Variants in PITPNC1 observed in about 807,000 individuals in gnomAD.
PITPNC1 encodes cytoplasmic phosphatidylinositol transfer protein 1.
A neutral mutation model predicts 44.7 loss-of-function variants in PITPNC1; 18 were observed. That is an observed-to-expected ratio of 0.40 (90% CI 0.28 to 0.60). The LOEUF is 0.60. Ranked by LOEUF, PITPNC1 falls within the 20% of genes least tolerant of loss-of-function variation. PITPNC1 has a pLI of 0.39. For missense variants in PITPNC1, 290 were observed against 418.4 expected (o/e 0.69, Z 2.68); for synonymous variants, 141 against 149.6 (o/e 0.94, Z 0.42).
chr17:67,390,006 C>T (rs2143797597), intron 1 of PITPNC1, among the ~76,000 whole-genome samples: 2 of 151,634 alleles, frequency 1.3e-5, no homozygotes, highest in South Asian at 4.2e-4. Flanking sequence ...AATAGAAGTG[C>T]TTACAGATTT....
chr17:67,490,128 G>C (rs923399317), intron 1 of PITPNC1, among the ~76,000 whole-genome samples: 5 of 102,612 alleles, frequency 4.9e-5, no homozygotes, highest in South Asian at 2.6e-4. Flanking sequence ...GTGTGTGTGT[G>C]TGTGTGTGTG....
At position 67,397,490 on chromosome 17, in the gene PITPNC1, AAAGTT is replaced by A. The variant is rs565273396; in HGVS notation, c.48+19292_48+19296del. ...GTCTTCCACACCTCTCTTTTTGAGA[AAAGTT>A]AAGAACAAAGTAAAAAGATGCAGTG... On this transcript the variant is annotated intron_variant, in intron 1 of 8. Transcript: ENST00000581322. Among the ~76,000 whole-genome samples, 628 of 152,322 alleles carry A rather than the reference AAAGTT, an allele frequency of 4.1e-3. 1 individual carries two copies. Among genetic ancestry groups the A allele is most frequent in the South Asian group, 0.013 (61 of 4,832 alleles).
chr17:67,377,453 G>A lies in PITPNC1; in HGVS notation c.-702G>A, dbSNP rs1165089166. On this transcript the variant is annotated 5_prime_UTR_variant, in exon 1 of 9. Coordinates refer to ENST00000581322, the MANE Select transcript of PITPNC1 (RefSeq NM_012417.4). ...TCCCGCCCGCCCCTGGCAGCCGCGA[G>A]CCGAGGTTGGAGGCGCCCGGGGCCC... The A allele has an allele frequency of 2.0e-5, 3 of 152,984 alleles. No homozygotes were observed. Among genetic ancestry groups the A allele is most frequent in the Non-Finnish European group, 2.9e-5 (2 of 68,076 alleles). The allele number at this position is 152,984 out of a possible 1,614,324, so 9.5% of individuals were successfully genotyped here.
Position 67,696,541 on chromosome 17 carries a change from G to T in PITPNC1, c.*3653G>T, listed in dbSNP as rs2043013604. On this transcript the variant is annotated 3_prime_UTR_variant, in exon 9 of 9. Coordinates refer to ENST00000581322, the MANE Select transcript of PITPNC1 (RefSeq NM_012417.4). ...TCTGATCATCTGACTCAGTAGGCTA[G>T]GAGACAATCTGTCATCTGAGCCATA... The T allele has an allele frequency of 6.6e-6, 1 of 152,176 alleles. No individual in the cohort carries two copies. The highest frequency in any genetic ancestry group is 1.5e-5 in the Non-Finnish European group (1 of 68,032). The allele number at this position is 152,176 out of a possible 1,614,324, so 9.4% of individuals were successfully genotyped here.
rs568884338 is a variant in PITPNC1, at chr17:67,490,485, C to T, written c.49-42317C>T. Among the ~76,000 whole-genome samples, 17 of 151,782 alleles carry T rather than the reference C, an allele frequency of 1.1e-4. No individual in the cohort carries two copies. The South Asian group carries it at 3.5e-3, about 32-fold the overall frequency. ...CTGACATACCACGACTCTGAATGAA[C>T]AGGTGGAATTGATGGGGAGTGAGGA... On this transcript the variant is annotated intron_variant, in intron 1 of 8. Transcript: ENST00000581322.
At chr17:67,559,817 G>A (rs183354185) in intron 4 of PITPNC1, among the ~76,000 whole-genome samples, 42 of 152,328 alleles carry the variant, frequency 2.8e-4, no homozygotes, top group Non-Finnish European at 5.0e-4. Context: ...GGAGGTTGCA[G>A]TGAGCCGGGA....
At chr17:67,627,621 A>G (rs957793191) in intron 5 of PITPNC1, among the ~76,000 whole-genome samples, 3 of 152,228 alleles carry the variant, frequency 2.0e-5, no homozygotes, top group African/African-American at 7.2e-5. Context: ...CTTTCTAGAA[A>G]GATGCAGGTA....
At chr17:67,441,283 C>CA (rs1300169302) in intron 1 of PITPNC1, among the ~76,000 whole-genome samples, 4 of 150,204 alleles carry the variant, frequency 2.7e-5, no homozygotes, top group Admixed American at 6.6e-5. Context: ...TTAAGCCCCC[C>CA]CCCGCCACCC....
At chr17:67,572,572 A>G (rs1219475942) in intron 4 of PITPNC1, among the ~76,000 whole-genome samples, 2 of 151,128 alleles carry the variant, frequency 1.3e-5, no homozygotes, top group African/African-American at 2.4e-5. Context: ...AGCTTACCAC[A>G]TGGTTGGTGA....
At chr17:67,572,705 T>C (rs1436129229) in intron 4 of PITPNC1, among the ~76,000 whole-genome samples, 1 of 151,632 alleles carries the variant, frequency 6.6e-6, no homozygotes, top group African/African-American at 2.4e-5. Flanking sequence ...TGAGATGGTC[T>C]TTGAGTAAGA....
intron 1 of PITPNC1, among the ~76,000 whole-genome samples, chr17:67,391,814 T>C (rs1204559604): frequency 6.6e-6 from 1 of 152,060 alleles, no homozygotes; most frequent in Non-Finnish European, 1.5e-5. Flanking sequence ...TAAATAACCC[T>C]TCAGGATTAT....
intron 1 of PITPNC1, among the ~76,000 whole-genome samples, chr17:67,394,053 T>C (rs554964311): frequency 6.6e-6 from 1 of 152,178 alleles, no homozygotes; most frequent in African/African-American, 2.4e-5. Flanking sequence ...TTGACCAGGC[T>C]GTTCTCAAAC....
chr17:67,502,977 G>A (rs1036690827), intron 1 of PITPNC1, among the ~76,000 whole-genome samples: 3 of 152,060 alleles, frequency 2.0e-5, no homozygotes, highest in Non-Finnish European at 4.4e-5. Context: ...TTGTATTTCA[G>A]TAGAGACGGG....
At chr17:67,481,389 C>G (rs927809984) in intron 1 of PITPNC1, among the ~76,000 whole-genome samples, 3 of 152,266 alleles carry the variant, frequency 2.0e-5, no homozygotes, top group Non-Finnish European at 4.4e-5. Flanking sequence ...GCAAAGCAGG[C>G]TGGGAACAAA....
chr17:67,474,778 C>T (rs1272438085), intron 1 of PITPNC1, among the ~76,000 whole-genome samples: 5 of 152,082 alleles, frequency 3.3e-5, no homozygotes, highest in Non-Finnish European at 1.5e-5. Context: ...CCTCAGCCTC[C>T]TGAGAAGCTA....
intron 2 of PITPNC1, among the ~76,000 whole-genome samples, chr17:67,540,604 A>G (rs747764999): frequency 3.3e-5 from 5 of 152,146 alleles, no homozygotes; most frequent in African/African-American, 4.8e-5. Flanking sequence ...TTTTTTATAT[A>G]TTTTTTATGT....
rs1038850227 is a variant in PITPNC1, at chr17:67,377,314, A to T, written c.-841A>T. ...CACCTCCCGGCCCCAGGCACACTGC[A>T]TCGGCGCGGACGCTCCGGCCCCGGC... On this transcript the variant is annotated 5_prime_UTR_variant, in exon 1 of 9. Coordinates refer to ENST00000581322, the MANE Select transcript of PITPNC1 (RefSeq NM_012417.4). The T allele has an allele frequency of 2.0e-5, 3 of 152,224 alleles. No individual in the cohort carries two copies. Among genetic ancestry groups the T allele is most frequent in the Admixed American group, 6.5e-5 (1 of 15,280 alleles). The allele number at this position is 152,224 out of a possible 1,614,324, so 9.4% of individuals were successfully genotyped here.
At chr17:67,400,915 TTTTC>T (rs1412394245) in intron 1 of PITPNC1, among the ~76,000 whole-genome samples, 1 of 151,800 alleles carries the variant, frequency 6.6e-6, no homozygotes, top group Non-Finnish European at 1.5e-5. Flanking sequence ...ATTATGATTG[TTTTC>T]TTTCTTTCTG....
At chr17:67,685,677 C>T (rs1339816557) in intron 8 of PITPNC1, among the ~76,000 whole-genome samples, 1 of 152,134 alleles carries the variant, frequency 6.6e-6, no homozygotes, top group Non-Finnish European at 1.5e-5. Context: ...GGAATGCCTA[C>T]CTGGGAATAT....
Sources: allele counts gnomAD v4.1 joint callset (sites outside exome capture counted in the v4.1 genomes callset), GRCh38; gene constraint gnomAD v4.1.1; transcripts MANE v1.5; gene names NCBI Gene and HGNC (gene_info 2026-07-23, HGNC 2026-07-21).